PTGER3: variants seen among roughly 807,000 people sequenced by gnomAD.
PTGER3 encodes the protein prostaglandin E2 receptor EP3 subtype.
In PTGER3, 22 loss-of-function variants were observed where a neutral mutation model predicts 34.7. That is an observed-to-expected ratio of 0.63 (90% CI 0.45 to 0.91). PTGER3 has a LOEUF of 0.91. Ranked by LOEUF, PTGER3 falls within the 40% of genes least tolerant of loss-of-function variation. The pLI, the probability that PTGER3 is intolerant of heterozygous loss-of-function variation, is 0.00. For synonymous variants in PTGER3, 241 were observed against 230.1 expected (o/e 1.05, Z -0.43); for missense variants, 468 against 519.4 (o/e 0.90, Z 0.96).
downstream of PTGER3, among the ~76,000 whole-genome samples, chr1:70,967,097 A>T (rs969092342): frequency 1.3e-5 from 2 of 152,136 alleles, no homozygotes; most frequent in Non-Finnish European, 2.9e-5. Flanking sequence ...GTTAAAAAAA[A>T]TACAGATGTT....
chr1:70,966,491 TA>T (rs1012047037), downstream of PTGER3, among the ~76,000 whole-genome samples: 2 of 152,100 alleles, frequency 1.3e-5, no homozygotes, highest in South Asian at 2.1e-4. Flanking sequence ...TTCTTTATTC[TA>T]AAAAAAACAG....
rs544872249 is a variant in PTGER3, at chr1:70,957,491, G to A, written c.1078-3702C>T. ...CTTTGTACTATTTATTTTTTTGCAG[G>A]GAAAACTTCCAGATAATACAGGGTC... On this transcript the variant is annotated intron_variant, in intron 2 of 3. Coordinates refer to the PTGER3 transcript ENST00000356595. 2.6e-5 allele frequency among the ~76,000 whole-genome samples: 4 copies of A among 152,032 alleles called. No individual in the cohort carries two copies. The East Asian group carries it at 5.8e-4, about 22-fold the overall frequency.
intron 2 of PTGER3, among the ~76,000 whole-genome samples, chr1:70,990,441 T>C (rs1655358033): frequency 8.9e-6 from 1 of 112,552 alleles, no homozygotes; most frequent in African/African-American, 3.6e-5. Context: ...TATCAATGTA[T>C]AATATATATA....
At chr1:71,020,785 A>G (rs746077702) in intron 1 of PTGER3, among the ~76,000 whole-genome samples, 34 of 151,654 alleles carry the variant, frequency 2.2e-4, no homozygotes, top group Non-Finnish European at 3.7e-4. Flanking sequence ...TGGCAAACAT[A>G]CTGACCAAGA....
intron 4 of PTGER3, among the ~76,000 whole-genome samples, chr1:70,922,848 T>G (rs1030544936): frequency 2.0e-5 from 3 of 152,178 alleles, no homozygotes; most frequent in Non-Finnish European, 4.4e-5. Context: ...TGTGGAAGGT[T>G]TGTGAAAAAT....
At chr1:70,860,906 T>C (rs1370408461) in intron 4 of PTGER3, among the ~76,000 whole-genome samples, 1 of 152,190 alleles carries the variant, frequency 6.6e-6, no homozygotes, top group Admixed American at 6.5e-5. Context: ...AATTATGGAA[T>C]TATTAAGTAG....
At chr1:70,926,275 T>C (rs1172459909) in intron 4 of PTGER3, among the ~76,000 whole-genome samples, 1 of 152,214 alleles carries the variant, frequency 6.6e-6, no homozygotes, top group African/African-American at 2.4e-5. Flanking sequence ...TTGGGCAGTA[T>C]GGCCATTTTC....
chr1:70,959,916 G>T (rs1277650403), intron 2 of PTGER3, among the ~76,000 whole-genome samples: 2 of 151,952 alleles, frequency 1.3e-5, no homozygotes, highest in African/African-American at 4.8e-5. Context: ...GACCTTATTT[G>T]AAAATAAGGT....
chr1:70,938,156 G>C (rs902984911), intron 4 of PTGER3, among the ~76,000 whole-genome samples: 5 of 152,070 alleles, frequency 3.3e-5, no homozygotes, highest in Admixed American at 1.3e-4. Flanking sequence ...TATTTTAAAA[G>C]CTTCATGCTA....
At chr1:70,970,645 T>C (rs1223275128), downstream of PTGER3, 4 of 165,516 alleles carry the variant, frequency 2.4e-5, no homozygotes, top group Non-Finnish European at 5.0e-5. Flanking sequence ...ACTCAGTAAA[T>C]ATGTGGTGAA....
chr1:70,855,198 A>G (rs2100437461), intron 4 of PTGER3, among the ~76,000 whole-genome samples: 1 of 152,338 alleles, frequency 6.6e-6, no homozygotes, highest in Non-Finnish European at 1.5e-5. Context: ...TGAAGACATT[A>G]TGGTAAGTAA....
chr1:70,894,459 A>C lies in PTGER3; in HGVS notation c.*24-41600T>G, dbSNP rs551617610. Among the ~76,000 whole-genome samples the C allele has an allele frequency of 3.3e-5, 5 of 152,262 alleles. No individual in the cohort carries two copies. In the South Asian group the frequency reaches 1.0e-3, roughly 32 times the overall value. On this transcript the variant is annotated intron_variant, in intron 4 of 4. Transcript: ENST00000370931. ...CTACATTGAATGCCTAGTTTTCTAC[A>C]TGACCTTGGATAGTTTATTATATTT...
intron 1 of PTGER3, among the ~76,000 whole-genome samples, chr1:71,029,544 A>G (rs1055967410): frequency 6.6e-6 from 1 of 152,238 alleles, no homozygotes. Context: ...ATTGTGGCCA[A>G]TCATCCTCAT....
chr1:70,864,027 A>G (rs1645987681), intron 4 of PTGER3, among the ~76,000 whole-genome samples: 1 of 152,118 alleles, frequency 6.6e-6, no homozygotes, highest in Non-Finnish European at 1.5e-5. Flanking sequence ...ATCATTCTTT[A>G]CAGAAATCGG....
chr1:70,886,657 T>G (rs1423500112), intron 4 of PTGER3, among the ~76,000 whole-genome samples: 1 of 152,244 alleles, frequency 6.6e-6, no homozygotes, highest in East Asian at 1.9e-4. Context: ...TACTCTGCTT[T>G]AGTTTTCATC....
intron 4 of PTGER3, among the ~76,000 whole-genome samples, chr1:70,934,314 TCA>T (rs1649002948): frequency 6.6e-6 from 1 of 152,180 alleles, no homozygotes; most frequent in Non-Finnish European, 1.5e-5. Context: ...TTTTTTTTCT[TCA>T]CAGTCATGTG....
intron 4 of PTGER3, among the ~76,000 whole-genome samples, chr1:70,916,589 T>G (rs1647179799): frequency 6.6e-6 from 1 of 151,952 alleles, no homozygotes; most frequent in South Asian, 2.1e-4. Flanking sequence ...CAGCAACTGT[T>G]TGCAGCTTGA....
At chr1:71,004,251 A>AT (rs546758211) in intron 2 of PTGER3, among the ~76,000 whole-genome samples, 63 of 152,248 alleles carry the variant, frequency 4.1e-4, no homozygotes, top group African/African-American at 1.2e-3. Context: ...TTCTAATTGT[A>AT]TTTTTTTATC....
At chr1:70,911,590 G>T (rs1431127808) in intron 4 of PTGER3, among the ~76,000 whole-genome samples, 1 of 152,082 alleles carries the variant, frequency 6.6e-6, no homozygotes, top group African/African-American at 2.4e-5. Context: ...AGGGAAAAAA[G>T]TGGGAGAAGA....
Sources: allele counts gnomAD v4.1 joint callset (sites outside exome capture counted in the v4.1 genomes callset), GRCh38; gene constraint gnomAD v4.1.1; transcripts MANE v1.5; gene names NCBI Gene and HGNC (gene_info 2026-07-23, HGNC 2026-07-21).